The following SATB2 variants were observed in gnomAD, a reference collection of about 807,000 sequenced individuals.
SATB2 encodes DNA-binding protein SATB2.
In SATB2, 1 loss-of-function variant was observed where a neutral mutation model predicts 73.4. The ratio of observed to expected loss-of-function variants is 0.01; its 90% CI spans 0.00 to 0.06. The LOEUF is 0.06. Ranked by LOEUF, SATB2 falls within the 10% of genes least tolerant of loss-of-function variation. SATB2 has a pLI of 1.00. For synonymous variants in SATB2, 397 were observed against 367.0 expected (o/e 1.08, Z -0.93); for missense variants, 459 against 945.8 (o/e 0.49, Z 6.75).
At chr2:199,314,099 A>G (rs954877775) in intron 9 of SATB2, among the ~76,000 whole-genome samples, 1 of 152,074 alleles carries the variant, frequency 6.6e-6, no homozygotes, top group Non-Finnish European at 1.5e-5. Context: ...TTTTGTTTAT[A>G]CTTTTTCACA....
rs779711247 is a variant in SATB2 at position 199,308,886 on chromosome 2, G to C, written c.1614C>G (p.Leu538=). 6.2e-7 allele frequency: 1 copy of C among 1,614,190 alleles called. No individual in the cohort carries two copies. Among genetic ancestry groups the C allele is most frequent in the Non-Finnish European group, 8.5e-7 (1 of 1,180,030 alleles). ...SPENRTLWEN[L]CTIRRFLNLP... ...GGTTCAGGAAGCGACGGATGGTACA[G>C]AGGTTTTCCCAGAGGGTGCGGTTTT... The change falls in exon 10 of 11, where the codon CTC becomes CTG. Residue 538 remains leucine, a synonymous_variant. Coordinates refer to ENST00000417098, the MANE Select transcript of SATB2 (RefSeq NM_001172509.2). This position sits in a 1 kb window ranked among gnomAD's most constrained non-coding sequence, Gnocchi z 4.6.
chr2:199,324,826 T>TG (rs982431472), intron 8 of SATB2, among the ~76,000 whole-genome samples: 3 of 152,302 alleles, frequency 2.0e-5, no homozygotes, highest in African/African-American at 7.2e-5. Context: ...TTAGAACCTC[T>TG]GGCAGCAAGA....
intron 8 of SATB2, among the ~76,000 whole-genome samples, chr2:199,324,949 C>T (rs1323232802): frequency 3.9e-5 from 6 of 152,164 alleles, no homozygotes; most frequent in Non-Finnish European, 8.8e-5. Flanking sequence ...AGAGTTATCT[C>T]CAAATCACAA....
At chr2:199,344,398 G>C (rs1303688206) in intron 7 of SATB2, among the ~76,000 whole-genome samples, 1 of 152,184 alleles carries the variant, frequency 6.6e-6, no homozygotes, top group Non-Finnish European at 1.5e-5. Flanking sequence ...GACAACTATG[G>C]ACACACAAAT....
At chr2:199,343,889 G>T (rs1688576486) in intron 7 of SATB2, among the ~76,000 whole-genome samples, 1 of 152,084 alleles carries the variant, frequency 6.6e-6, no homozygotes, top group Non-Finnish European at 1.5e-5. Flanking sequence ...GCTTCAATTA[G>T]ACCTTTTATA....
At chr2:199,337,199 T>G (rs1688361705) in intron 7 of SATB2, among the ~76,000 whole-genome samples, 2 of 152,152 alleles carry the variant, frequency 1.3e-5, no homozygotes, top group African/African-American at 4.8e-5. Context: ...TTAAAACTAT[T>G]TGACATAGAG....
intron 3 of SATB2, among the ~76,000 whole-genome samples, chr2:199,386,852 T>C (rs1396937652): frequency 6.6e-6 from 1 of 152,194 alleles, no homozygotes; most frequent in East Asian, 1.9e-4. Flanking sequence ...ACTCTCACTC[T>C]GTCTAGAGTA....
At chr2:199,309,358 A>G (rs1687530524) in intron 9 of SATB2, among the ~76,000 whole-genome samples, 1 of 152,270 alleles carries the variant, frequency 6.6e-6, no homozygotes, top group Non-Finnish European at 1.5e-5. Context: ...ACAGGACAGC[A>G]AATTCTAAAA....
chr2:199,353,346 G>A (rs1688878292), intron 6 of SATB2, among the ~76,000 whole-genome samples: 1 of 151,490 alleles, frequency 6.6e-6, no homozygotes, highest in Admixed American at 6.6e-5. Flanking sequence ...GTAGAAACGG[G>A]GTTTCACCAC....
chr2:199,313,940 C>A (rs908773349), intron 9 of SATB2, among the ~76,000 whole-genome samples: 2 of 152,172 alleles, frequency 1.3e-5, no homozygotes, highest in Non-Finnish European at 2.9e-5. Context: ...GAATTACTCA[C>A]AGGTACACTC....
intron 7 of SATB2, 99 bp from the exon 8 acceptor site, chr2:199,329,009 A>G (rs748640415): frequency 2.8e-4 from 252 of 893,128 alleles, no homozygotes; most frequent in South Asian, 4.7e-4. Flanking sequence ...TGGTTTAACC[A>G]GCTCGCTGTG....
At chr2:199,330,512 G>C (rs1688159039) in intron 7 of SATB2, among the ~76,000 whole-genome samples, 1 of 152,148 alleles carries the variant, frequency 6.6e-6, no homozygotes, top group African/African-American at 2.4e-5. Context: ...AGGGGACAAG[G>C]TAGGATGTGT....
At chr2:199,360,520 C>T (rs1239027091) in intron 6 of SATB2, among the ~76,000 whole-genome samples, 1 of 152,124 alleles carries the variant, frequency 6.6e-6, no homozygotes, top group African/African-American at 2.4e-5. Context: ...GCTGCCCATC[C>T]TCACCGTCCA....
In SATB2 at chr2:199,272,595, CGGA is replaced by C. The variant is rs756151434; in HGVS notation, c.1815_1817del (p.Pro606del). ...GCTTTTTGGCACAACTGTCTTCAGT[CGGA>C]GGAGGTGGGGGAGGCGCTTCTTCTC... is the stretch of plus-strand genomic sequence containing the variant. On this transcript the variant is annotated inframe_deletion, in exon 11 of 11. Coordinates refer to ENST00000417098, the MANE Select transcript of SATB2 (RefSeq NM_001172509.2). The surrounding 1 kb of genome is among the most constrained non-coding windows in gnomAD (Gnocchi z 6.7). 4 of 1,614,002 alleles carry C rather than the reference CGGA, an allele frequency of 2.5e-6. No individual in the cohort carries two copies. The East Asian group carries it at 8.9e-5, about 36-fold the overall frequency.
chr2:199,325,618 T>C (rs886606802), intron 8 of SATB2, among the ~76,000 whole-genome samples: 2 of 152,228 alleles, frequency 1.3e-5, no homozygotes, highest in African/African-American at 4.8e-5. Context: ...ATAGCATGTC[T>C]GCCCTTTCTC....
intron 7 of SATB2, among the ~76,000 whole-genome samples, chr2:199,344,255 AACAC>A (rs146892920): frequency 6.6e-6 from 1 of 150,478 alleles, no homozygotes; most frequent in Non-Finnish European, 1.5e-5. Context: ...ACACACACAC[AACAC>A]ACACACACAC....
At chr2:199,317,757 A>C (rs1687774744) in intron 9 of SATB2, among the ~76,000 whole-genome samples, 1 of 151,932 alleles carries the variant, frequency 6.6e-6, no homozygotes, top group African/African-American at 2.4e-5. Context: ...AGATTCCTTC[A>C]CTAGAATCTG....
intron 6 of SATB2, among the ~76,000 whole-genome samples, chr2:199,356,373 T>G (rs1202211982): frequency 6.6e-6 from 1 of 152,148 alleles, no homozygotes; most frequent in Non-Finnish European, 1.5e-5. Context: ...AGTAAAAATG[T>G]TGCCAATCAA....
At chr2:199,410,979 A>T (rs1690795870) in intron 3 of SATB2, among the ~76,000 whole-genome samples, 1 of 152,144 alleles carries the variant, frequency 6.6e-6, no homozygotes, top group African/African-American at 2.4e-5. Flanking sequence ...AGACACCTGG[A>T]ATTTTTTTTT....
Sources: gnomAD v4.1 joint callset for allele counts (sites outside exome capture counted in the v4.1 genomes callset) on GRCh38, gnomAD v4.1.1 for gene constraint, Gnocchi (gnomAD v3.1) non-coding constraint, MANE v1.5 for transcripts, NCBI Gene and HGNC (gene_info 2026-07-23, HGNC 2026-07-21) for gene names.